The following SUCO variants were observed in gnomAD, a reference collection of about 807,000 sequenced individuals.
SUCO encodes the protein SUN domain-containing ossification factor.
Under a neutral mutation model 148.1 loss-of-function variants are expected in SUCO, and 57 were observed. The observed-to-expected ratio is 0.38, with a 90% confidence interval of 0.31 to 0.48. The LOEUF (loss-of-function observed/expected upper bound fraction) is 0.48. Ranked by LOEUF, SUCO falls within the 20% of genes least tolerant of loss-of-function variation. The probability of loss-of-function intolerance (pLI) is 0.96; values close to 1 mark genes in which losing one functional copy is unlikely to be tolerated. For missense variants in SUCO, 1,331 were observed against 1,468.2 expected, an observed-to-expected ratio of 0.91 and a Z score of 1.53; for synonymous variants, 470 against 502.7, an observed-to-expected ratio of 0.93 and a Z score of 0.87.
At position 172,611,056 on chromosome 1, in the gene SUCO, A is replaced by C. The variant is rs554335121; in HGVS notation, c.*797A>C. On this transcript the variant is annotated 3_prime_UTR_variant, in exon 24 of 24. Coordinates refer to ENST00000263688, the MANE Select transcript of SUCO (RefSeq NM_014283.5). The stretch of plus-strand genomic sequence containing the variant: ...CATTTGTGAAGGTTTTCTTTAGCTT[A>C]CATTTTAAACATACACAATAAACAC... The C allele has an allele frequency of 6.5e-6, 1 of 152,744 alleles. No individual in the cohort carries two copies. The highest frequency in any genetic ancestry group is 1.9e-4 in the East Asian group (1 of 5,184). 9.5% of individuals were successfully genotyped at this position (152,744 alleles called of 1,614,324 possible).
intron 10 of SUCO, chr1:172,574,928 A>G (rs760724760): frequency 5.7e-5 from 56 of 981,612 alleles, no homozygotes; most frequent in Non-Finnish European, 6.7e-5. Flanking sequence ...CTCAGCTGCA[A>G]TTTTCTTATA....
chr1:172,554,737 C>CAA (rs77841500), intron 3 of SUCO, among the ~76,000 whole-genome samples: 25 of 68,450 alleles, frequency 3.7e-4, no homozygotes, highest in African/African-American at 1.0e-3. Flanking sequence ...GACTCTGTCT[C>CAA]AAAAAAAAAA....
chr1:172,574,734 T>C (rs74124244), intron 10 of SUCO: 5,258 of 186,214 alleles, frequency 0.028, 273 homozygotes, highest in African/African-American at 0.12. Flanking sequence ...CGATATGCCA[T>C]GTAGGATGCT....
chr1:172,553,604 C>A (rs1002319223), intron 3 of SUCO, among the ~76,000 whole-genome samples: 1 of 151,908 alleles, frequency 6.6e-6, no homozygotes, highest in Admixed American at 6.6e-5. Flanking sequence ...AGTATAAATC[C>A]TCATTTCTTC....
In SUCO at chr1:172,588,988, T is replaced by C; in HGVS notation, c.1887T>C (p.Phe629=). Residue 629 remains phenylalanine, a synonymous_variant, in exon 18 of 24, where the codon TTT becomes TTC. Coordinates refer to ENST00000263688, the MANE Select transcript of SUCO (RefSeq NM_014283.5). ...ELTTICCISS[F]SEYIYKWCSV... ...CCACAATTTGTTGTATTTCTAGTTT[T>C]TCAGAATACATATATAAATGGTGTT... is the stretch of plus-strand genomic sequence containing the variant. The C allele has an allele frequency of 1.9e-6, 3 of 1,611,344 alleles. No individual in the cohort carries two copies. Among genetic ancestry groups the C allele is most frequent in the Non-Finnish European group, 2.5e-6 (3 of 1,178,666 alleles).
At chr1:172,602,880 C>A in intron 22 of SUCO, 93 bp downstream of exon 22, 1 of 1,095,268 alleles carries the variant, frequency 9.1e-7, no homozygotes, top group Admixed American at 2.1e-5. Context: ...TGACCATCTG[C>A]AACAAAAAAT....
chr1:172,591,175 G>A, intron 19 of SUCO, 104 bp downstream of exon 19: 1 of 795,654 alleles, frequency 1.3e-6, no homozygotes, highest in African/African-American at 1.8e-5. Flanking sequence ...TTTTCCCCCT[G>A]CTAGCTGGTG....
intron 1 of SUCO, among the ~76,000 whole-genome samples, chr1:172,536,467 T>C (rs1652026057): frequency 6.6e-6 from 1 of 152,164 alleles, no homozygotes; most frequent in Non-Finnish European, 1.5e-5. Context: ...ATTATGTAAA[T>C]ATTTCATCAT....
At chr1:172,553,797 G>GT (rs751243483) in intron 3 of SUCO, among the ~76,000 whole-genome samples, 39 of 151,994 alleles carry the variant, frequency 2.6e-4, no homozygotes, top group Non-Finnish European at 5.0e-4. Context: ...ATCAAAATAT[G>GT]TTTTTTCCCT....
At chr1:172,583,234 C>T (rs866424380) in intron 15 of SUCO, among the ~76,000 whole-genome samples, 13 of 151,950 alleles carry the variant, frequency 8.6e-5, no homozygotes, top group African/African-American at 2.7e-4. Context: ...TATCTCATAC[C>T]GCAGCATCTC....
intron 15 of SUCO, 144 bp downstream of exon 15, chr1:172,579,411 T>G: frequency 1.9e-6 from 1 of 536,700 alleles, no homozygotes; most frequent in Non-Finnish European, 3.3e-6. Flanking sequence ...TGAAAAGTAT[T>G]TTTATAGAAA....
At chr1:172,553,891 C>T (rs938013010) in intron 3 of SUCO, among the ~76,000 whole-genome samples, 4 of 151,992 alleles carry the variant, frequency 2.6e-5, no homozygotes, top group African/African-American at 9.7e-5. Context: ...ATATATACAC[C>T]ATAAACTGAT....
At chr1:172,598,870 G>C (rs1657302334) in intron 19 of SUCO, among the ~76,000 whole-genome samples, 1 of 152,110 alleles carries the variant, frequency 6.6e-6, no homozygotes, top group Non-Finnish European at 1.5e-5. Flanking sequence ...GATGAAGTAG[G>C]ATAGAAAGTA....
intron 1 of SUCO, among the ~76,000 whole-genome samples, chr1:172,546,108 G>A (rs141257661): frequency 2.0e-5 from 3 of 152,176 alleles, no homozygotes; most frequent in African/African-American, 7.2e-5. Flanking sequence ...GCTAATTTTT[G>A]TATGTTTTGT....
intron 2 of SUCO, chr1:172,552,662 ATAATTT>A: frequency 1.0e-6 from 1 of 975,008 alleles, no homozygotes; most frequent in Non-Finnish European, 1.2e-6. Flanking sequence ...AAAAAAAACT[ATAATTT>A]TATATTTTCA....
At chr1:172,608,930 A>G (rs1485947837) in intron 23 of SUCO, 128 bp downstream of exon 23, 3 of 697,042 alleles carry the variant, frequency 4.3e-6, no homozygotes, top group Non-Finnish European at 7.2e-6. Flanking sequence ...CTATCATGAT[A>G]ATGTTGTAAA....
At chr1:172,596,319 G>A (rs940318095) in intron 19 of SUCO, among the ~76,000 whole-genome samples, 1 of 152,208 alleles carries the variant, frequency 6.6e-6, no homozygotes, top group Non-Finnish European at 1.5e-5. Flanking sequence ...GCTTTGTTCT[G>A]TTGCTGGCGA....
At chr1:172,549,550 T>G (rs754849823) in intron 1 of SUCO, among the ~76,000 whole-genome samples, 1 of 151,940 alleles carries the variant, frequency 6.6e-6, no homozygotes, top group Admixed American at 6.6e-5. Flanking sequence ...TTTTAAAAGG[T>G]ATTTTTTTCT....
intron 9 of SUCO, among the ~76,000 whole-genome samples, chr1:172,573,039 AC>A (rs1289231412): frequency 2.0e-5 from 3 of 152,180 alleles, no homozygotes; most frequent in South Asian, 2.1e-4. Context: ...TTAAAAAAAA[AC>A]AGCTTTATTG....
Sources: gnomAD v4.1 joint callset for allele counts (sites outside exome capture counted in the v4.1 genomes callset) on GRCh38, gnomAD v4.1.1 for gene constraint, MANE v1.5 for transcripts, NCBI Gene and HGNC (gene_info 2026-07-23, HGNC 2026-07-21) for gene names.